The following PTPN2 variants were observed in gnomAD, a reference collection of about 807,000 sequenced individuals.
The protein encoded by PTPN2 is tyrosine-protein phosphatase non-receptor type 2.
PTPN2 carries 19 observed loss-of-function variants against 57.3 expected under a neutral mutation model. The ratio of observed to expected loss-of-function variants is 0.33; its 90% CI spans 0.23 to 0.49. The LOEUF is 0.49. Ranked by LOEUF, PTPN2 falls within the 20% of genes least tolerant of loss-of-function variation. PTPN2 has a pLI of 0.99. For synonymous variants in PTPN2, 153 were observed against 164.9 expected, an observed-to-expected ratio of 0.93 and a Z score of 0.55; for missense variants, 358 against 501.1, an observed-to-expected ratio of 0.71 and a Z score of 2.73.
intron 4 of PTPN2, among the ~76,000 whole-genome samples, chr18:12,826,636 T>C (rs1410067228): frequency 6.6e-6 from 1 of 151,902 alleles, no homozygotes; most frequent in African/African-American, 2.4e-5. Flanking sequence ...TGGCGTGATG[T>C]TGGCTCACTG....
chr18:12,796,045 G>A lies in PTPN2; in HGVS notation c.1041-1560C>T, dbSNP rs182365254. Among the ~76,000 whole-genome samples, 447 of 151,318 alleles carry A rather than the reference G, an allele frequency of 3.0e-3. 10 individuals carry two copies. The highest frequency in any genetic ancestry group is 0.025 in the Admixed American group (382 of 15,176). On this transcript the variant is annotated intron_variant, in intron 8 of 8. Transcript: ENST00000309660. ...AGACTACCTTTTTCCTGGCCAAGAC[G>A]TTTAACCTGAATTTAACTATGATAA... is the stretch of plus-strand genomic sequence containing the variant.
intron 1 of PTPN2, among the ~76,000 whole-genome samples, chr18:12,872,979 G>C (rs2044320070): frequency 6.6e-6 from 1 of 152,194 alleles, no homozygotes; most frequent in Non-Finnish European, 1.5e-5. Flanking sequence ...CCAGCAATTT[G>C]GGAGGCCAAG....
chr18:12,861,243 T>C (rs527338971), intron 1 of PTPN2, among the ~76,000 whole-genome samples: 5 of 152,376 alleles, frequency 3.3e-5, no homozygotes, highest in African/African-American at 1.2e-4. Context: ...TTTTGCAAGA[T>C]ATAAGACACT....
At chr18:12,798,771 C>T (rs933702013) in intron 8 of PTPN2, among the ~76,000 whole-genome samples, 1 of 152,070 alleles carries the variant, frequency 6.6e-6, no homozygotes, top group African/African-American at 2.4e-5. Context: ...GGGTGTATAC[C>T]CAGTAATGGG....
chr18:12,870,347 ATATGTGTATATATATGTG>A (rs1214746638), intron 1 of PTPN2, among the ~76,000 whole-genome samples: 1 of 47,092 alleles, frequency 2.1e-5, no homozygotes, highest in African/African-American at 1.3e-4. Context: ...ATATACATAT[ATATGTGTATATATATGTG>A]TATATATACA....
In PTPN2 at chr18:12,827,330, G is replaced by A. The variant is rs958377200; in HGVS notation, c.361-1386C>T. 4.9e-5 allele frequency among the ~76,000 whole-genome samples: 7 copies of A among 143,378 alleles called. No homozygotes were observed. In the East Asian group the frequency reaches 8.7e-4, roughly 18 times the overall value. 94.1% of individuals were successfully genotyped at this position (143,378 alleles called of 152,430 possible). A position where few individuals can be genotyped will look rare whatever the true frequency, so the allele number is the denominator to read the frequency against. On this transcript the variant is annotated intron_variant, in intron 4 of 8. Coordinates refer to ENST00000309660, the MANE Select transcript of PTPN2 (RefSeq NM_002828.4). ...TGCACTCCAGCCTGGGCGACAGAGC[G>A]AGACTCCGTCTCAAAAAAAAAAAAA...
In PTPN2 at chr18:12,799,189, C is replaced by T. The variant is rs549801329; in HGVS notation, c.1040+2781G>A. On this transcript the variant is annotated intron_variant, in intron 8 of 8. Transcript: ENST00000309660. ...ATCCCAGCACTTTGGGAGGCTGAGG[C>T]GGGAGGATCACAAGGTCAGGAGTTC... 1.1e-4 allele frequency among the ~76,000 whole-genome samples: 16 copies of T among 152,066 alleles called. No individual in the cohort carries two copies. The South Asian group carries it at 3.1e-3, about 30-fold the overall frequency.
At chr18:12,789,915 C>CAGAG (rs1355738518), downstream of PTPN2, among the ~76,000 whole-genome samples, 3 of 149,538 alleles carry the variant, frequency 2.0e-5, no homozygotes, top group Non-Finnish European at 3.0e-5. Flanking sequence ...TTATGAGAGA[C>CAGAG]AGAGAGAGAG....
At chr18:12,799,588 A>AT (rs113551012) in intron 8 of PTPN2, among the ~76,000 whole-genome samples, 17,879 of 144,080 alleles carry the variant, frequency 0.12, 1,983 homozygotes, top group African/African-American at 0.3. Context: ...CTTCTTTTAC[A>AT]TTTTTTTTTT....
At chr18:12,837,726 G>A (rs1255715731) in intron 2 of PTPN2, among the ~76,000 whole-genome samples, 2 of 151,856 alleles carry the variant, frequency 1.3e-5, no homozygotes, top group Non-Finnish European at 2.9e-5. Flanking sequence ...ACTATTACAA[G>A]TTGTCCCTCT....
intron 2 of PTPN2, among the ~76,000 whole-genome samples, chr18:12,855,458 G>A (rs2043555061): frequency 6.6e-6 from 1 of 152,050 alleles, no homozygotes; most frequent in Non-Finnish European, 1.5e-5. Flanking sequence ...ACAGAGGGAG[G>A]GGAGGCTTCT....
intron 2 of PTPN2, among the ~76,000 whole-genome samples, chr18:12,845,710 CA>C (rs2043184680): frequency 6.6e-6 from 1 of 152,112 alleles, no homozygotes; most frequent in Non-Finnish European, 1.5e-5. Flanking sequence ...TTCAGTACCT[CA>C]AGTTTATATG....
At chr18:12,847,578 T>A (rs2043254119) in intron 2 of PTPN2, among the ~76,000 whole-genome samples, 1 of 151,964 alleles carries the variant, frequency 6.6e-6, no homozygotes, top group African/African-American at 2.4e-5. Flanking sequence ...ATTATTAACA[T>A]CATAAATAGC....
intron 2 of PTPN2, among the ~76,000 whole-genome samples, chr18:12,858,335 G>A (rs111645128): frequency 3.9e-5 from 6 of 152,258 alleles, no homozygotes; most frequent in East Asian, 3.9e-4. Flanking sequence ...GCTGAAGCAC[G>A]AAGGAGGCCC....
intron 1 of PTPN2, among the ~76,000 whole-genome samples, chr18:12,867,047 A>C (rs2044020104): frequency 6.6e-6 from 1 of 151,440 alleles, no homozygotes. Flanking sequence ...AAAAACAAAA[A>C]CACTCTGGGC....
At chr18:12,813,833 G>A (rs957031196) in intron 7 of PTPN2, among the ~76,000 whole-genome samples, 1 of 152,192 alleles carries the variant, frequency 6.6e-6, no homozygotes, top group Admixed American at 6.5e-5. Context: ...AAATATTCAA[G>A]TTGCTTGTTG....
chr18:12,862,875 TATTG>T (rs1459098170), intron 1 of PTPN2: 1 of 148,124 alleles, frequency 6.8e-6, no homozygotes, highest in Non-Finnish European at 1.5e-5. Context: ...TTAAATCAGC[TATTG>T]ATTAATTTTC....
intron 7 of PTPN2, among the ~76,000 whole-genome samples, chr18:12,806,026 G>T (rs1244772196): frequency 2.6e-5 from 4 of 152,074 alleles, no homozygotes; most frequent in African/African-American, 9.7e-5. Context: ...AAAGGAGGAA[G>T]TCAAATTGTC....
intron 1 of PTPN2, among the ~76,000 whole-genome samples, chr18:12,860,839 C>T (rs1260241654): frequency 6.6e-6 from 1 of 152,026 alleles, no homozygotes; most frequent in Admixed American, 6.6e-5. Flanking sequence ...CTGATGTATC[C>T]AGAATGGCCA....
Sources: gnomAD v4.1 joint callset for allele counts (sites outside exome capture counted in the v4.1 genomes callset) on GRCh38, gnomAD v4.1.1 for gene constraint, MANE v1.5 for transcripts, NCBI Gene and HGNC (gene_info 2026-07-23, HGNC 2026-07-21) for gene names.